The following RFC4 variants were observed in gnomAD, a reference collection of about 807,000 sequenced individuals.
The protein encoded by RFC4 is A1 37 kDa subunit.
A neutral mutation model predicts 47.6 loss-of-function variants in RFC4; 38 were observed. The observed-to-expected ratio is 0.80, with a 90% CI of 0.62 to 1.05. The LOEUF is 1.05. Ranked by LOEUF, RFC4 falls within the 50% of genes least tolerant of loss-of-function variation. The pLI, the probability that RFC4 is intolerant of heterozygous loss-of-function variation, is 0.00. For synonymous variants in RFC4, 164 were observed against 150.0 expected (o/e 1.09, Z -0.68); for missense variants, 489 against 434.0 (o/e 1.13, Z -1.13).
At chr3:186,790,300 C>T in intron 9 of RFC4, 26 bp downstream of exon 9, 1 of 1,611,590 alleles carries the variant, frequency 6.2e-7, no homozygotes, top group South Asian at 1.1e-5. Context: ...ATATTCCTTT[C>T]CCCAAAGTTA....
At chr3:186,792,669 T>C in intron 6 of RFC4, 59 bp from the exon 7 acceptor site, 1 of 1,575,696 alleles carries the variant, frequency 6.3e-7, no homozygotes, top group South Asian at 1.2e-5. Flanking sequence ...CCAAAAGAAC[T>C]CATTTTTATC....
intron 2 of RFC4, among the ~76,000 whole-genome samples, chr3:186,803,126 T>C (rs1432304680): frequency 6.6e-6 from 1 of 152,188 alleles, no homozygotes; most frequent in East Asian, 1.9e-4. Context: ...GCAGATCACC[T>C]GAGATCAGGA....
At chr3:186,804,838 A>G in intron 1 of RFC4, 114 bp from the exon 2 acceptor site, 1 of 983,946 alleles carries the variant, frequency 1.0e-6, no homozygotes, top group Non-Finnish European at 1.5e-6. Context: ...GTACAGCCCG[A>G]AAATAAACTT....
rs770688318 is a variant in RFC4 at position 186,790,426 on chromosome 3, GTATTAAAGA to G, written c.802-29_802-21del. 6.4e-7 allele frequency: 1 copy of G among 1,559,922 alleles called. No individual in the cohort carries two copies. Among genetic ancestry groups the G allele is most frequent in the South Asian group, 1.1e-5 (1 of 89,906 alleles). On this transcript the variant is annotated intron_variant, in intron 8 of 10. Coordinates refer to ENST00000296273, the MANE Select transcript of RFC4 (RefSeq NM_002916.5). ...TATTACCTAGGTAATTGAATGTTCG[GTATTAAAGA>G]TGTTTCTAGGTGAGACTAGACATAC... is the stretch of plus-strand genomic sequence containing the variant.
chr3:186,791,446 G>A (rs1265322944), intron 8 of RFC4: 2 of 372,340 alleles, frequency 5.4e-6, no homozygotes, highest in East Asian at 1.2e-4. Flanking sequence ...CTCCAGCCTG[G>A]GCGACACAGC....
chr3:186,790,487 C>G (rs552348442), intron 8 of RFC4, 81 bp from the exon 9 acceptor site: 5 of 971,946 alleles, frequency 5.1e-6, no homozygotes, highest in African/African-American at 4.8e-5. Context: ...CCCGTGCCCC[C>G]AGTCATTTCT....
At chr3:186,800,634 A>G (rs1005755797) in intron 3 of RFC4, among the ~76,000 whole-genome samples, 1 of 152,216 alleles carries the variant, frequency 6.6e-6, no homozygotes, top group African/African-American at 2.4e-5. Context: ...CAGAAGAGAG[A>G]GCTATAAGCA....
chr3:186,792,053 T>C (rs977655406), intron 7 of RFC4, among the ~76,000 whole-genome samples: 1 of 152,148 alleles, frequency 6.6e-6, no homozygotes, highest in Non-Finnish European at 1.5e-5. Context: ...TGAAATAAAT[T>C]TGCAGAGATG....
In RFC4 at chr3:186,790,320, C is replaced by G. The variant is rs370078665; in HGVS notation, c.882+6G>C. 1.2e-6 allele frequency: 2 copies of G among 1,613,564 alleles called. No individual in the cohort carries two copies. The highest frequency in any genetic ancestry group is 1.7e-6 in the Non-Finnish European group (2 of 1,179,498). Reference sequence around the variant, plus strand: ...CCTTTCCCCAAAGTTAGTAAGCTGACTTTACCTTGACCACAGCTTCTAGTT... The same window carrying G: ...CCTTTCCCCAAAGTTAGTAAGCTGAGTTTACCTTGACCACAGCTTCTAGTT... On this transcript the variant is annotated splice_donor_region_variant and intron_variant, in intron 9 of 10. Transcript: ENST00000296273.
intron 7 of RFC4, 61 bp downstream of exon 7, chr3:186,792,429 T>C (rs1722159924): frequency 1.4e-6 from 2 of 1,470,826 alleles, no homozygotes; most frequent in East Asian, 2.3e-5. Flanking sequence ...TTTCAGGGCC[T>C]CTTTATATGC....
Position 186,791,858 on chromosome 3 carries a change from G to A in RFC4, c.676-8C>T. ...AACAAGATAAGCTATTCCCTGAAGA[G>A]AAAAGAGTTGTTTTTAACCTATGAT... On this transcript the variant is annotated splice_region_variant and splice_polypyrimidine_tract_variant and intron_variant, in intron 7 of 10. Transcript: ENST00000296273. The A allele has an allele frequency of 6.2e-7, 1 of 1,608,188 alleles. No individual in the cohort carries two copies. Among genetic ancestry groups the A allele is most frequent in the Non-Finnish European group, 8.5e-7 (1 of 1,176,420 alleles).
Position 186,793,535 on chromosome 3 carries a change from G to A in RFC4, c.411-588C>T, listed in dbSNP as rs142535353. Among the ~76,000 whole-genome samples, 393 of 152,196 alleles carry A rather than the reference G, an allele frequency of 2.6e-3. 1 individual carries two copies. Among genetic ancestry groups the A allele is most frequent in the Non-Finnish European group, 4.3e-3 (293 of 68,014 alleles). ...TTACATTCCAACCAGCAATGTATGC[G>A]GTTTACCATTTCTCCACATCCTTGT... On this transcript the variant is annotated intron_variant, in intron 5 of 10. Transcript: ENST00000296273. The surrounding 1 kb of genome is among the most constrained non-coding windows in gnomAD (Gnocchi z 4.2).
At chr3:186,790,883 G>A (rs1329530906) in intron 8 of RFC4, among the ~76,000 whole-genome samples, 3 of 151,528 alleles carry the variant, frequency 2.0e-5, no homozygotes, top group Non-Finnish European at 3.0e-5. Flanking sequence ...TCATATGGAA[G>A]GCCTACCGTG....
At position 186,792,574 on chromosome 3, in the gene RFC4, G is replaced by A. The variant is rs1476853269; in HGVS notation, c.591C>T (p.Phe197=). The A allele has an allele frequency of 6.2e-7, 1 of 1,613,996 alleles. No homozygotes were observed. The highest frequency in any genetic ancestry group is 1.1e-5 in the South Asian group (1 of 91,072). The change falls in exon 7 of 11, where the codon TTC becomes TTT. Residue 197 remains phenylalanine, a synonymous_variant. Transcript: ENST00000296273. ...TTTTATCTGACAGAGGCTTGAAGCG[G>A]AATTTTGAACATCTAGAGGTCAGGG... is the stretch of plus-strand genomic sequence containing the variant. ...IEPLTSRCSK[F]RFKPLSDKIQ... is the part of the protein sequence containing the mutation.
At chr3:186,799,572 G>A (rs1722309398) in intron 3 of RFC4, among the ~76,000 whole-genome samples, 1 of 152,126 alleles carries the variant, frequency 6.6e-6, no homozygotes, top group Non-Finnish European at 1.5e-5. Context: ...AATGAGCTGT[G>A]TGTGGTGGTG....
intron 5 of RFC4, 67 bp downstream of exon 5, chr3:186,794,591 G>C (rs1560091480): frequency 1.4e-6 from 2 of 1,472,620 alleles, no homozygotes; most frequent in African/African-American, 1.4e-5. Context: ...AAAGGCTGAG[G>C]AGCGATGGCA....
chr3:186,804,691 G>A lies in RFC4; in HGVS notation c.23C>T (p.Thr8Ile), dbSNP rs774401832. 3.1e-6 allele frequency: 5 copies of A among 1,613,040 alleles called. No homozygotes were observed. Among genetic ancestry groups the A allele is most frequent in the Middle Eastern group, 1.6e-4 (1 of 6,084 alleles). Reference protein sequence around the residue: MQAFLKGTSISTKPPLTK... With the variant: MQAFLKGISISTKPPLTK... ...CAGCGGGGGTTTAGTACTGATGGAT[G>A]TACCTTTAAGAAATGCTTGCATGGT... The change falls in exon 2 of 11, where the codon ACA becomes ATA. Residue 8 changes from threonine to isoleucine, a missense_variant. Transcript: ENST00000296273.
At chr3:186,804,529 C>A in intron 2 of RFC4, 54 bp downstream of exon 2, 6 of 1,520,658 alleles carry the variant, frequency 3.9e-6, no homozygotes, top group South Asian at 1.2e-5. Flanking sequence ...GTGATCAGTA[C>A]TGGTTAGAGA....
At chr3:186,802,182 G>A (rs1299180251) in intron 2 of RFC4, among the ~76,000 whole-genome samples, 1 of 151,912 alleles carries the variant, frequency 6.6e-6, no homozygotes, top group Non-Finnish European at 1.5e-5. Flanking sequence ...GTGAAACCCC[G>A]TCTGTATTAA....
Sources: gnomAD v4.1 joint callset for allele counts (sites outside exome capture counted in the v4.1 genomes callset) on GRCh38, gnomAD v4.1.1 for gene constraint, Gnocchi (gnomAD v3.1) non-coding constraint, MANE v1.5 for transcripts, NCBI Gene and HGNC (gene_info 2026-07-23, HGNC 2026-07-21) for gene names.